The following PTCHD4 variants were observed in gnomAD, a reference collection of about 807,000 sequenced individuals.
PTCHD4 encodes the protein patched domain-containing protein 4.
PTCHD4 carries 33 observed loss-of-function variants against 58.1 expected under a neutral mutation model. That is an observed-to-expected ratio of 0.57 (90% CI 0.43 to 0.76). The LOEUF (loss-of-function observed/expected upper bound fraction) is 0.76, where lower values mean the gene tolerates loss of function less well. PTCHD4 is among the 30% of genes least tolerant of loss of function. The pLI is 0.00. For synonymous variants in PTCHD4, 478 were observed against 409.6 expected, an observed-to-expected ratio of 1.17 and a Z score of -2.02; for missense variants, 1,058 against 1,027.1, an observed-to-expected ratio of 1.03 and a Z score of -0.41.
intron 4 of PTCHD4, among the ~76,000 whole-genome samples, chr6:47,967,370 C>T (rs978739724): frequency 2.0e-5 from 3 of 152,136 alleles, no homozygotes; most frequent in Admixed American, 6.5e-5. Context: ...TTGTTGTTAC[C>T]TTTATAGAGC....
At chr6:48,036,129 C>G (rs1334925479) in intron 3 of PTCHD4, among the ~76,000 whole-genome samples, 2 of 151,898 alleles carry the variant, frequency 1.3e-5, no homozygotes, top group African/African-American at 4.8e-5. Context: ...AATTTCACAC[C>G]AGGAAAATGG....
intron 4 of PTCHD4, among the ~76,000 whole-genome samples, chr6:47,914,371 T>C (rs1464708309): frequency 6.6e-6 from 1 of 152,084 alleles, no homozygotes; most frequent in Non-Finnish European, 1.5e-5. Flanking sequence ...TAAAGCCAAT[T>C]GTTCTCAATG....
rs887201476 is a variant in PTCHD4 at position 48,066,935 on chromosome 6, A to G, written c.417+1295T>C. Among the ~76,000 whole-genome samples, 14 of 152,160 alleles carry G rather than the reference A, an allele frequency of 9.2e-5. No individual in the cohort carries two copies. The East Asian group carries it at 2.7e-3, about 29-fold the overall frequency. On this transcript the variant is annotated intron_variant, in intron 3 of 4. Transcript: ENST00000339488. Reference sequence around the variant, plus strand: ...AAAAAGGTTTTTTTTTTTAATGTATAGATGCCGACTATATCAAATTAGTGA... The same window carrying G: ...AAAAAGGTTTTTTTTTTTAATGTATGGATGCCGACTATATCAAATTAGTGA...
In PTCHD4 at chr6:48,069,204, C is replaced by T. The variant is rs1764922632; in HGVS notation, c.-247G>A. Among the ~76,000 whole-genome samples the T allele has an allele frequency of 8.2e-6, 1 of 121,450 alleles. No individual in the cohort carries two copies. Among genetic ancestry groups the T allele is most frequent in the African/African-American group, 3.3e-5 (1 of 30,048 alleles). The allele number at this position is 121,450 out of a possible 152,430, so 79.7% of individuals were successfully genotyped here. ...CGGGAGCACGTTGGGGGTGGGGGGG[C>T]AGATAAGCTTTTTTCTTTTTTTAAG... On this transcript the variant is annotated 5_prime_UTR_variant, in exon 2 of 5. Transcript: ENST00000339488.
intron 4 of PTCHD4, among the ~76,000 whole-genome samples, chr6:47,984,555 C>A (rs1005890623): frequency 6.6e-6 from 1 of 152,008 alleles, no homozygotes; most frequent in Non-Finnish European, 1.5e-5. Flanking sequence ...CACAGCCAAA[C>A]CATATCATCT....
At chr6:48,064,150 T>G (rs1201454082) in intron 3 of PTCHD4, among the ~76,000 whole-genome samples, 1 of 152,184 alleles carries the variant, frequency 6.6e-6, no homozygotes, top group Non-Finnish European at 1.5e-5. Flanking sequence ...GCTTTATTTC[T>G]CTATCACCGT....
intron 4 of PTCHD4, among the ~76,000 whole-genome samples, chr6:47,918,997 C>T (rs1765346437): frequency 6.6e-6 from 1 of 152,058 alleles, no homozygotes; most frequent in Non-Finnish European, 1.5e-5. Flanking sequence ...TAGACCGAAC[C>T]CGTAGTGATA....
intron 4 of PTCHD4, among the ~76,000 whole-genome samples, chr6:47,921,103 T>G (rs1308644809): frequency 6.6e-6 from 1 of 152,186 alleles, no homozygotes; most frequent in Non-Finnish European, 1.5e-5. Context: ...GAAAATATTA[T>G]TGTCACTACT....
chr6:48,033,424 C>A (rs1449812439), intron 3 of PTCHD4, among the ~76,000 whole-genome samples: 1 of 151,458 alleles, frequency 6.6e-6, no homozygotes, highest in African/African-American at 2.4e-5. Context: ...TGAGCATCTG[C>A]CTCCATCCAA....
chr6:47,977,907 C>T (rs1199853646), intron 4 of PTCHD4, among the ~76,000 whole-genome samples: 11 of 151,946 alleles, frequency 7.2e-5, no homozygotes, highest in Non-Finnish European at 1.5e-4. Context: ...TTAGAATTTC[C>T]GTGCCCTCTC....
At chr6:47,901,239 A>T (rs201213792) in intron 4 of PTCHD4, 3 of 153,038 alleles carry the variant, frequency 2.0e-5, no homozygotes, top group African/African-American at 7.2e-5. Context: ...TGTTCATTGA[A>T]TTTGGCTTGC....
chr6:47,992,152 CT>C (rs2114037388), intron 4 of PTCHD4, among the ~76,000 whole-genome samples: 1 of 152,146 alleles, frequency 6.6e-6, no homozygotes, highest in South Asian at 2.1e-4. Flanking sequence ...ACAAAATATT[CT>C]GATGAAGCTA....
chr6:47,918,655 C>G (rs905587598), intron 4 of PTCHD4, among the ~76,000 whole-genome samples: 1 of 151,974 alleles, frequency 6.6e-6, no homozygotes, highest in Non-Finnish European at 1.5e-5. Context: ...AATTTTTTCC[C>G]TTATAAAATT....
Position 48,045,813 on chromosome 6 carries a change from A to G in PTCHD4, c.417+22417T>C, listed in dbSNP as rs1443620764. On this transcript the variant is annotated intron_variant, in intron 3 of 4. Coordinates refer to ENST00000339488, the MANE Select transcript of PTCHD4 (RefSeq NM_001384253.1). Reference sequence around the variant, plus strand: ...TTTCCCACTCAGCTCTGCAGCTTTGAGTACAGAGATTGACTTTAACGCATC... The same window carrying G: ...TTTCCCACTCAGCTCTGCAGCTTTGGGTACAGAGATTGACTTTAACGCATC... Among the ~76,000 whole-genome samples, 3 of 148,904 alleles carry G rather than the reference A, an allele frequency of 2.0e-5. No homozygotes were observed. The East Asian group carries it at 5.9e-4, about 29-fold the overall frequency.
Position 48,068,930 on chromosome 6 carries a change from C to T in PTCHD4, c.5+23G>A, listed in dbSNP as rs1764908523. On this transcript the variant is annotated intron_variant, in intron 2 of 4. Coordinates refer to ENST00000339488, the MANE Select transcript of PTCHD4 (RefSeq NM_001384253.1). This position sits in a 1 kb window ranked among gnomAD's most constrained non-coding sequence, Gnocchi z 4.2. ...CCTCCCCGGTCTCCCCGCGCCCTCGCCGCCTCCCGCGCTGGCTCTCACCGC... is the reference window on the plus strand; with the variant it reads ...CCTCCCCGGTCTCCCCGCGCCCTCGTCGCCTCCCGCGCTGGCTCTCACCGC... Among the ~76,000 whole-genome samples the T allele has an allele frequency of 6.6e-6, 1 of 151,638 alleles. No individual in the cohort carries two copies. Among genetic ancestry groups the T allele is most frequent in the Non-Finnish European group, 1.5e-5 (1 of 67,904 alleles).
rs1183819201 is a variant in PTCHD4, at chr6:47,861,504, T to A, written c.*16799A>T. Among the ~76,000 whole-genome samples, 1 of 151,946 alleles carries A rather than the reference T, an allele frequency of 6.6e-6. No individual in the cohort carries two copies. Among genetic ancestry groups the A allele is most frequent in the Non-Finnish European group, 1.5e-5 (1 of 67,906 alleles). ...CTGCTGTGTTTAATACACTAATCAATCATTAGGCATCCTTGCCTTCCTATC... is the reference window on the plus strand; with the variant it reads ...CTGCTGTGTTTAATACACTAATCAAACATTAGGCATCCTTGCCTTCCTATC... On this transcript the variant is annotated 3_prime_UTR_variant, in exon 5 of 5. Coordinates refer to ENST00000339488, the MANE Select transcript of PTCHD4 (RefSeq NM_001384253.1).
Position 48,008,821 on chromosome 6 carries a change from G to A in PTCHD4, c.711C>T (p.Ser237=). The A allele has an allele frequency of 1.2e-6, 2 of 1,613,998 alleles. No homozygotes were observed. Among genetic ancestry groups the A allele is most frequent in the Non-Finnish European group, 8.5e-7 (1 of 1,179,894 alleles). The change falls in exon 4 of 5, where the codon AGC becomes AGT. Residue 237 remains serine, a synonymous_variant. Transcript: ENST00000339488. ...TGGCTGTGGTCAGGATCAGCACGAG[G>A]CTCACCAGGACCTTGCTTCTGGCCA... is the stretch of plus-strand genomic sequence containing the variant. ...SILARSKVLV[S]LVLILTTATL...
At chr6:47,927,774 A>AT (rs1227063112) in intron 4 of PTCHD4, among the ~76,000 whole-genome samples, 2 of 151,016 alleles carry the variant, frequency 1.3e-5, no homozygotes, top group African/African-American at 4.9e-5. Flanking sequence ...TTATTTATTT[A>AT]TTTTTTCATT....
intron 1 of PTCHD4, among the ~76,000 whole-genome samples, chr6:48,110,810 T>A (rs1018625130): frequency 5.1e-4 from 75 of 147,572 alleles, no homozygotes; most frequent in Admixed American, 1.6e-3. Flanking sequence ...TATATATATA[T>A]AATATTTTTA....
Sources: allele counts gnomAD v4.1 joint callset (sites outside exome capture counted in the v4.1 genomes callset), GRCh38; gene constraint gnomAD v4.1.1; non-coding constraint Gnocchi (gnomAD v3.1); transcripts MANE v1.5; gene names NCBI Gene and HGNC (gene_info 2026-07-23, HGNC 2026-07-21).